The following FAM228B variants were observed in gnomAD, a reference collection of about 807,000 sequenced individuals.
The protein encoded by FAM228B is family with sequence similarity 228 member B.
In FAM228B, 38 loss-of-function variants were observed where a neutral mutation model predicts 42.6. That is an observed-to-expected ratio of 0.89 (90% CI 0.69 to 1.17). The LOEUF (loss-of-function observed/expected upper bound fraction) is 1.17, where lower values mean the gene tolerates loss of function less well. Ranked by LOEUF, FAM228B falls within the 50% of genes most tolerant of loss-of-function variation. The pLI is 0.00. For missense variants in FAM228B, 344 were observed against 367.3 expected, an observed-to-expected ratio of 0.94 and a Z score of 0.52; for synonymous variants, 109 against 122.3, an observed-to-expected ratio of 0.89 and a Z score of 0.72.
intron 2 of FAM228B, among the ~76,000 whole-genome samples, chr2:24,089,996 G>T (rs1665351505): frequency 7.3e-6 from 1 of 136,810 alleles, no homozygotes; most frequent in Non-Finnish European, 1.6e-5. Flanking sequence ...AAAAAACGCC[G>T]GGCGCAGTGA....
chr2:24,161,119 C>T (rs1172953137), intron 7 of FAM228B, among the ~76,000 whole-genome samples: 2 of 152,052 alleles, frequency 1.3e-5, no homozygotes, highest in Non-Finnish European at 2.9e-5. Flanking sequence ...AATAATATTT[C>T]CTATATAAAT....
intron 4 of FAM228B, 101 bp downstream of exon 4, chr2:24,138,201 A>G: frequency 4.7e-6 from 4 of 850,294 alleles, no homozygotes; most frequent in East Asian, 2.7e-5. Flanking sequence ...TCCCCTCTAC[A>G]TATGTATCAT....
chr2:24,142,100 CT>C (rs1196738676), intron 5 of FAM228B, among the ~76,000 whole-genome samples: 5 of 152,310 alleles, frequency 3.3e-5, no homozygotes, highest in South Asian at 4.1e-4. Context: ...GCTCTGTACT[CT>C]TTATGGACCT....
intron 2 of FAM228B, among the ~76,000 whole-genome samples, chr2:24,124,756 T>C (rs548147291): frequency 1.3e-5 from 2 of 152,350 alleles, no homozygotes; most frequent in Admixed American, 1.3e-4. Context: ...TTTATTTATT[T>C]ATTTATATTT....
intron 3 of FAM228B, among the ~76,000 whole-genome samples, chr2:24,112,993 C>T (rs193199594): frequency 6.3e-4 from 92 of 147,192 alleles, no homozygotes; most frequent in Non-Finnish European, 6.1e-5. Context: ...CCTGAAGACA[C>T]AGTTAGTCTT....
intron 3 of FAM228B, among the ~76,000 whole-genome samples, chr2:24,135,935 T>C (rs1666570618): frequency 6.7e-6 from 1 of 149,750 alleles, no homozygotes; most frequent in South Asian, 2.1e-4. Flanking sequence ...GCCTCTTTAC[T>C]CTTGCCTTTT....
At chr2:24,154,762 C>A (rs1168298137) in intron 7 of FAM228B, among the ~76,000 whole-genome samples, 1 of 152,094 alleles carries the variant, frequency 6.6e-6, no homozygotes, top group Non-Finnish European at 1.5e-5. Flanking sequence ...CTGATGGGCT[C>A]AATAAAAGTT....
intron 3 of FAM228B, among the ~76,000 whole-genome samples, chr2:24,105,828 A>G (rs1558372201): frequency 2.6e-5 from 4 of 152,238 alleles, no homozygotes; most frequent in Admixed American, 2.6e-4. Context: ...AACTGCAAGT[A>G]TTAACAGCGG....
intron 2 of FAM228B, among the ~76,000 whole-genome samples, chr2:24,132,226 G>C (rs1211563440): frequency 6.6e-6 from 1 of 152,156 alleles, no homozygotes; most frequent in African/African-American, 2.4e-5. Context: ...GCTGGATTCA[G>C]TTTGCCAGTA....
chr2:24,101,839 T>C (rs1040990104), intron 3 of FAM228B, among the ~76,000 whole-genome samples: 1 of 152,128 alleles, frequency 6.6e-6, no homozygotes, highest in African/African-American at 2.4e-5. Context: ...CTCACCACCA[T>C]GCCTGGCTAA....
Position 24,169,103 on chromosome 2 carries a change from T to G in FAM228B, c.*15-253T>G, listed in dbSNP as rs569899984. Reference sequence around the variant, plus strand: ...ACCACAGGGGTTCCCTCAAATCATGTCACACATCAGTGATCCACCCCATCT... The same window carrying G: ...ACCACAGGGGTTCCCTCAAATCATGGCACACATCAGTGATCCACCCCATCT... On this transcript the variant is annotated intron_variant, in intron 10 of 10. Coordinates refer to ENST00000615575, the MANE Select transcript of FAM228B (RefSeq NM_001145710.2). This position sits in a 1 kb window ranked among gnomAD's most constrained non-coding sequence, Gnocchi z 4.2. Among the ~76,000 whole-genome samples, 1 of 152,306 alleles carries G rather than the reference T, an allele frequency of 6.6e-6. No individual in the cohort carries two copies. The highest frequency in any genetic ancestry group is 2.1e-4 in the South Asian group (1 of 4,830).
intron 3 of FAM228B, among the ~76,000 whole-genome samples, chr2:24,105,397 T>C (rs534651510): frequency 1.3e-5 from 2 of 152,206 alleles, no homozygotes; most frequent in Admixed American, 1.3e-4. Flanking sequence ...CTTGGTTTGG[T>C]TTGCCCTGTA....
chr2:24,124,629 A>G (rs1187781128), intron 2 of FAM228B, among the ~76,000 whole-genome samples, 169 bp downstream of exon 2: 1 of 152,056 alleles, frequency 6.6e-6, no homozygotes, highest in Non-Finnish European at 1.5e-5. Flanking sequence ...GTTTTTTTCT[A>G]ACATCTTAAG....
chr2:24,094,384 T>C (rs1400428600), intron 2 of FAM228B, among the ~76,000 whole-genome samples: 2 of 152,192 alleles, frequency 1.3e-5, no homozygotes, highest in South Asian at 2.1e-4. Context: ...CTCTCACATT[T>C]TTAAGTTGAT....
chr2:24,141,621 G>A (rs570166048), intron 5 of FAM228B, among the ~76,000 whole-genome samples: 33 of 151,418 alleles, frequency 2.2e-4, no homozygotes, highest in Admixed American at 5.9e-4. Flanking sequence ...CTCGTGATCC[G>A]CCCGCCTTGG....
chr2:24,162,074 G>A (rs1469650702), intron 8 of FAM228B, among the ~76,000 whole-genome samples: 2 of 152,162 alleles, frequency 1.3e-5, no homozygotes, highest in South Asian at 2.1e-4. Flanking sequence ...ACTCCAGCTT[G>A]GGCGACAGAG....
intron 5 of FAM228B, chr2:24,142,766 A>G (rs1666787647): frequency 6.6e-6 from 1 of 152,252 alleles, no homozygotes; most frequent in Admixed American, 6.5e-5. Flanking sequence ...CAAGCAAAAC[A>G]TTTGGAATTT....
upstream of FAM228B, chr2:24,121,190 T>A (rs33913065): frequency 1.5e-4 from 250 of 1,613,994 alleles, no homozygotes; most frequent in Non-Finnish European, 1.9e-4. Context: ...AATATTCATC[T>A]GCCCGGACAC....
At chr2:24,120,558 TA>T (rs72197172), upstream of FAM228B, among the ~76,000 whole-genome samples, 17,866 of 152,204 alleles carry the variant, frequency 0.12, 1,250 homozygotes, top group South Asian at 0.18. Context: ...TGATTTTTTT[TA>T]AAATTTTTTT....
Sources: gnomAD v4.1 joint callset for allele counts (sites outside exome capture counted in the v4.1 genomes callset) on GRCh38, gnomAD v4.1.1 for gene constraint, Gnocchi (gnomAD v3.1) non-coding constraint, MANE v1.5 for transcripts, NCBI Gene and HGNC (gene_info 2026-07-23, HGNC 2026-07-21) for gene names.